Variants in DLG2 observed in about 807,000 individuals in gnomAD.
DLG2 encodes the protein discs large MAGUK scaffold protein 2.
Under a neutral mutation model 132.5 loss-of-function variants are expected in DLG2, and 45 were observed. The ratio of observed to expected loss-of-function variants is 0.34; its 90% confidence interval spans 0.27 to 0.44. DLG2 has a LOEUF of 0.44. Ranked by LOEUF, DLG2 falls within the 20% of genes least tolerant of loss-of-function variation. DLG2 has a pLI of 1.00. For missense variants in DLG2, 1,045 were observed against 1,196.9 expected, an observed-to-expected ratio of 0.87 and a Z score of 1.87; for synonymous variants, 424 against 419.6, an observed-to-expected ratio of 1.01 and a Z score of -0.13.
intron 3 of DLG2, among the ~76,000 whole-genome samples, chr11:85,376,119 T>C (rs755051075): frequency 6.6e-6 from 1 of 152,052 alleles, no homozygotes; most frequent in Non-Finnish European, 1.5e-5. Flanking sequence ...AAACAAAAAA[T>C]GAATACATCC....
At chr11:84,328,382 A>C (rs527442500) in intron 7 of DLG2, among the ~76,000 whole-genome samples, 66 of 152,282 alleles carry the variant, frequency 4.3e-4, no homozygotes, top group Non-Finnish European at 9.1e-4. Context: ...CTCTTTAAAA[A>C]GATAATTAAA....
chr11:84,261,175 A>G (rs933060487), intron 7 of DLG2, among the ~76,000 whole-genome samples: 2 of 152,200 alleles, frequency 1.3e-5, no homozygotes, highest in Non-Finnish European at 2.9e-5. Flanking sequence ...CTTCTGTAGT[A>G]CATGGATAAT....
intron 3 of DLG2, among the ~76,000 whole-genome samples, chr11:85,536,119 G>C (rs1260728984): frequency 6.6e-6 from 1 of 150,932 alleles, no homozygotes; most frequent in African/African-American, 2.4e-5. Context: ...GGGAGGCTTT[G>C]GTGGGAGGGT....
At chr11:85,203,166 T>C (rs925860262) in intron 4 of DLG2, among the ~76,000 whole-genome samples, 2 of 151,336 alleles carry the variant, frequency 1.3e-5, no homozygotes, top group African/African-American at 4.8e-5. Context: ...ACCAAACTAA[T>C]ACAACACAAA....
At chr11:84,960,943 T>C (rs1370510363) in intron 6 of DLG2, among the ~76,000 whole-genome samples, 2 of 152,136 alleles carry the variant, frequency 1.3e-5, no homozygotes, top group Admixed American at 1.3e-4. Context: ...TACAGTCCTC[T>C]AACAAGTTGA....
intron 17 of DLG2, among the ~76,000 whole-genome samples, chr11:83,800,641 C>T (rs965560474): frequency 4.0e-5 from 6 of 149,990 alleles, no homozygotes; most frequent in Admixed American, 2.0e-4. Context: ...AATTTGGATT[C>T]CTGATGCAAA....
intron 4 of DLG2, among the ~76,000 whole-genome samples, chr11:85,232,186 G>A (rs761401702): frequency 6.6e-6 from 1 of 151,900 alleles, no homozygotes; most frequent in Non-Finnish European, 1.5e-5. Flanking sequence ...ACAGTCTTAT[G>A]TTGAATGTTG....
At chr11:84,167,019 T>C (rs2095684620) in intron 8 of DLG2, 2 of 533,282 alleles carry the variant, frequency 3.8e-6, no homozygotes, top group Admixed American at 3.9e-5. Flanking sequence ...GGGGTTTCTG[T>C]TATTCCAGTT....
In DLG2 at chr11:83,785,880, A is replaced by G. The variant is rs918865247; in HGVS notation, c.1825+810T>C. On this transcript the variant is annotated intron_variant, in intron 18 of 27. Transcript: ENST00000376104. Reference sequence around the variant, plus strand: ...CTCCTCTTTGCTAGCCATATGGACCAAAAGCAATGCGCTTCATTTCTTGAA... The same window carrying G: ...CTCCTCTTTGCTAGCCATATGGACCGAAAGCAATGCGCTTCATTTCTTGAA... Among the ~76,000 whole-genome samples the G allele has an allele frequency of 3.3e-5, 5 of 152,362 alleles. No individual in the cohort carries two copies. In the East Asian group the frequency reaches 7.7e-4, roughly 24 times the overall value.
intron 16 of DLG2, among the ~76,000 whole-genome samples, chr11:83,844,546 T>TAAAAAA (rs2058249860): frequency 1.9e-4 from 2 of 10,800 alleles, no homozygotes; most frequent in Admixed American, 9.3e-4. Context: ...AGAGTCTGTA[T>TAAAAAA]CAAAAAAAAA....
In DLG2 at chr11:85,370,635, G is replaced by C. The variant is rs552291875; in HGVS notation, c.41-85270C>G. Among the ~76,000 whole-genome samples the C allele has an allele frequency of 2.6e-5, 4 of 152,184 alleles. No homozygotes were observed. The East Asian group carries it at 7.7e-4, about 29-fold the overall frequency. On this transcript the variant is annotated intron_variant, in intron 3 of 27. Coordinates refer to ENST00000376104, the MANE Select transcript of DLG2 (RefSeq NM_001142699.3). The stretch of plus-strand genomic sequence containing the variant: ...AAAATAATTACCTTACGGTACTCTG[G>C]AATTCTATTTTATAATATCAAGTAT...
At chr11:85,086,743 C>T (rs1008107900) in intron 6 of DLG2, among the ~76,000 whole-genome samples, 18 of 152,090 alleles carry the variant, frequency 1.2e-4, no homozygotes, top group East Asian at 3.9e-4. Flanking sequence ...CTAAAGGTCA[C>T]GGGATTTGAC....
At chr11:85,174,023 G>C (rs1023862435) in intron 4 of DLG2, among the ~76,000 whole-genome samples, 10 of 152,108 alleles carry the variant, frequency 6.6e-5, no homozygotes, top group African/African-American at 2.4e-4. Flanking sequence ...ATAATAGTGG[G>C]AGACTTAAAC....
At chr11:84,810,819 G>C (rs1272720137) in intron 6 of DLG2, among the ~76,000 whole-genome samples, 1 of 151,980 alleles carries the variant, frequency 6.6e-6, no homozygotes, top group East Asian at 1.9e-4. Context: ...ATTATGCTGA[G>C]TTAAAAAAAA....
At chr11:85,097,369 C>G (rs1265596286) in intron 6 of DLG2, among the ~76,000 whole-genome samples, 1 of 152,132 alleles carries the variant, frequency 6.6e-6, no homozygotes, top group African/African-American at 2.4e-5. Flanking sequence ...AACAAAAGTT[C>G]TCCAAGTCCC....
At chr11:84,584,271 C>A (rs2099523655) in intron 6 of DLG2, among the ~76,000 whole-genome samples, 2 of 152,010 alleles carry the variant, frequency 1.3e-5, no homozygotes, top group Admixed American at 1.3e-4. Context: ...TGAGGTCTGG[C>A]ATTTTGTTAT....
rs1446591501 is a variant in DLG2, at chr11:83,503,412, T to TAGATAG, written c.2194-19185_2194-19184insCTATCT. Among the ~76,000 whole-genome samples the TAGATAG allele has an allele frequency of 1.8e-4, 20 of 110,524 alleles. 1 individual carries two copies. The highest frequency in any genetic ancestry group is 4.4e-3 in the Middle Eastern group (1 of 226). The allele number at this position is 110,524 out of a possible 152,430, so 72.5% of individuals were successfully genotyped here. ...ATATATATATATATATATATATATATATATATATATAGATAGATCTAATAG... is the reference window on the plus strand; with the variant it reads ...ATATATATATATATATATATATATATAGATAGATATATATATAGATAGATCTAATAG... On this transcript the variant is annotated intron_variant, in intron 21 of 27. Transcript: ENST00000376104.
chr11:84,031,411 T>C (rs2095687591), intron 11 of DLG2, among the ~76,000 whole-genome samples: 1 of 152,192 alleles, frequency 6.6e-6, no homozygotes, highest in Admixed American at 6.6e-5. Context: ...GTTAAACTTA[T>C]GAGACTATTA....
At chr11:85,318,758 C>G (rs901514141) in intron 3 of DLG2, among the ~76,000 whole-genome samples, 1 of 151,808 alleles carries the variant, frequency 6.6e-6, no homozygotes, top group Non-Finnish European at 1.5e-5. Context: ...TTGAGCAATA[C>G]TGTTGCAGCA....
Sources: allele counts gnomAD v4.1 joint callset (sites outside exome capture counted in the v4.1 genomes callset), GRCh38; gene constraint gnomAD v4.1.1; transcripts MANE v1.5; gene names NCBI Gene and HGNC (gene_info 2026-07-23, HGNC 2026-07-21).